The following MGST3 variants were observed in gnomAD, a reference collection of about 807,000 sequenced individuals.
MGST3 encodes the protein microsomal glutathione S-transferase 3.
Under a neutral mutation model 15.8 loss-of-function variants are expected in MGST3, and 13 were observed. The observed-to-expected ratio is 0.82, with a 90% CI of 0.54 to 1.31. MGST3 has a LOEUF of 1.31. MGST3 is among the 50% of genes most tolerant of loss of function. The probability of loss-of-function intolerance (pLI) is 0.00; values close to 1 mark genes in which losing one functional copy is unlikely to be tolerated. For synonymous variants in MGST3, 49 were observed against 68.1 expected (o/e 0.72, Z 1.38); for missense variants, 155 against 192.4 (o/e 0.81, Z 1.15).
intron 1 of MGST3, among the ~76,000 whole-genome samples, chr1:165,637,478 C>T (rs1401092676): frequency 6.6e-6 from 1 of 152,156 alleles, no homozygotes; most frequent in East Asian, 1.9e-4. Flanking sequence ...TGATTGTGTG[C>T]TGGGGAATTT....
intron 1 of MGST3, among the ~76,000 whole-genome samples, chr1:165,645,120 T>A (rs892944486): frequency 1.3e-5 from 2 of 152,094 alleles, no homozygotes; most frequent in African/African-American, 4.8e-5. Context: ...TTTAAATACT[T>A]TTTTTATTTT....
intron 1 of MGST3, among the ~76,000 whole-genome samples, chr1:165,636,614 G>A (rs1648120067): frequency 6.6e-6 from 1 of 152,060 alleles, no homozygotes; most frequent in Admixed American, 6.6e-5. Context: ...GCACACACCT[G>A]TAGTCCCAGC....
intron 1 of MGST3, among the ~76,000 whole-genome samples, chr1:165,634,176 A>G (rs1309800009): frequency 1.3e-5 from 2 of 152,190 alleles, no homozygotes; most frequent in Non-Finnish European, 2.9e-5. Context: ...AAAAGATGTC[A>G]GGTGTGGTCA....
intron 1 of MGST3, among the ~76,000 whole-genome samples, chr1:165,644,381 G>T (rs1648338328): frequency 6.6e-6 from 1 of 152,148 alleles, no homozygotes; most frequent in African/African-American, 2.4e-5. Flanking sequence ...GTATGTATTT[G>T]TGTGTCTAAA....
intron 2 of MGST3, chr1:165,650,198 C>T: frequency 1.8e-6 from 1 of 558,696 alleles, no homozygotes; most frequent in South Asian, 2.0e-5. Context: ...GTAGAAAGAC[C>T]AGGAATGCTG....
intron 1 of MGST3, among the ~76,000 whole-genome samples, chr1:165,645,487 A>G (rs1024292578): frequency 1.3e-5 from 2 of 152,260 alleles, no homozygotes; most frequent in African/African-American, 4.8e-5. Flanking sequence ...TTTTTTTTTA[A>G]TAAGTAGAAG....
intron 1 of MGST3, among the ~76,000 whole-genome samples, chr1:165,635,063 T>G (rs1201264720): frequency 6.6e-6 from 1 of 152,006 alleles, no homozygotes; most frequent in African/African-American, 2.4e-5. Flanking sequence ...TTTCCTTCTG[T>G]ATCCCATGGC....
chr1:165,633,428 C>T (rs1648011651), intron 1 of MGST3, among the ~76,000 whole-genome samples: 1 of 152,036 alleles, frequency 6.6e-6, no homozygotes, highest in African/African-American at 2.4e-5. Flanking sequence ...ATTTAGTTGC[C>T]TTATTTCCAC....
At chr1:165,641,567 G>GT in intron 1 of MGST3, among the ~76,000 whole-genome samples, 1 of 152,338 alleles carries the variant, frequency 6.6e-6, no homozygotes, top group Admixed American at 6.5e-5. Flanking sequence ...GACATGTACA[G>GT]TTACCAGTAT....
At chr1:165,651,782 C>T (rs1423414001) in intron 3 of MGST3, 196 bp from the exon 4 acceptor site, 1 of 515,550 alleles carries the variant, frequency 1.9e-6, no homozygotes, top group Non-Finnish European at 3.5e-6. Context: ...GTAATCCCAG[C>T]TACTCAGGAA....
At chr1:165,650,157 A>G (rs1300861979) in intron 2 of MGST3, 193 bp downstream of exon 2, 2 of 695,466 alleles carry the variant, frequency 2.9e-6, no homozygotes, top group Admixed American at 5.4e-5. Context: ...GCTAGGGAGT[A>G]GTTTCCATCT....
intron 1 of MGST3, among the ~76,000 whole-genome samples, chr1:165,638,119 A>G (rs1019385484): frequency 6.6e-6 from 1 of 152,184 alleles, no homozygotes; most frequent in African/African-American, 2.4e-5. Flanking sequence ...CTCCAAAACA[A>G]TCATGTTTGG....
chr1:165,635,366 G>A (rs9333395), intron 1 of MGST3, among the ~76,000 whole-genome samples: 5,340 of 152,246 alleles, frequency 0.035, 331 homozygotes, highest in African/African-American at 0.12. Context: ...TTTCTCAGAG[G>A]AGATTTCATC....
rs543813496 is a variant in MGST3, at chr1:165,651,661, T to C, written c.192-317T>C. 33 of 349,090 alleles carry C rather than the reference T, an allele frequency of 9.5e-5. 2 individuals carry two copies. Among genetic ancestry groups the C allele is most frequent in the South Asian group, 7.7e-4 (30 of 38,810 alleles). 21.6% of individuals were successfully genotyped at this position (349,090 alleles called of 1,614,324 possible). ...GCTCACACCTGTAATCCCAGCACTT[T>C]GGGAGGCCGAGGTGGGTGGATCACT... On this transcript the variant is annotated intron_variant, in intron 3 of 5. Transcript: ENST00000367889.
Position 165,652,479 on chromosome 1 carries a change from A to C in MGST3, c.249+444A>C, listed in dbSNP as rs963310114. On this transcript the variant is annotated intron_variant, in intron 4 of 5. Coordinates refer to ENST00000367889, the MANE Select transcript of MGST3 (RefSeq NM_004528.4). ...GGGGTGTGGGGTGGTCACAGAGAAG[A>C]AGCAACCTAAGTAAATTACATCATG... Among the ~76,000 whole-genome samples, 57 of 152,272 alleles carry C rather than the reference A, an allele frequency of 3.7e-4. 1 individual carries two copies. Among genetic ancestry groups the C allele is most frequent in the African/African-American group, 1.3e-3 (54 of 41,570 alleles).
At chr1:165,642,961 A>C (rs1175730340) in intron 1 of MGST3, among the ~76,000 whole-genome samples, 1 of 152,236 alleles carries the variant, frequency 6.6e-6, no homozygotes, top group Admixed American at 6.5e-5. Flanking sequence ...CTTCTCAATG[A>C]ATAATGATTG....
At chr1:165,649,065 G>T (rs767987208) in intron 1 of MGST3, 1 of 152,186 alleles carries the variant, frequency 6.6e-6, no homozygotes, top group Non-Finnish European at 1.5e-5. Flanking sequence ...GCTGGCTCGT[G>T]GAAGCCTTTG....
At chr1:165,644,526 G>A (rs912711601) in intron 1 of MGST3, among the ~76,000 whole-genome samples, 24 of 152,186 alleles carry the variant, frequency 1.6e-4, no homozygotes, top group Non-Finnish European at 1.3e-4. Context: ...GTGAGTGAGT[G>A]GTGAGTGTGA....
chr1:165,649,317 G>C, intron 1 of MGST3: 1 of 169,912 alleles, frequency 5.9e-6, no homozygotes, highest in South Asian at 1.4e-4. Flanking sequence ...TATTTTGGAT[G>C]CTCGCTTTCT....
Sources: allele counts gnomAD v4.1 joint callset (sites outside exome capture counted in the v4.1 genomes callset), GRCh38; gene constraint gnomAD v4.1.1; transcripts MANE v1.5; gene names NCBI Gene and HGNC (gene_info 2026-07-23, HGNC 2026-07-21).